Variants in MFSD6 observed in about 807,000 individuals in gnomAD.
MFSD6 encodes the protein major facilitator superfamily domain containing 6.
MFSD6 carries 26 observed loss-of-function variants against 56.3 expected under a neutral mutation model. The observed-to-expected ratio is 0.46, with a 90% CI of 0.34 to 0.64. The LOEUF is 0.64. Ranked by LOEUF, MFSD6 falls within the 30% of genes least tolerant of loss-of-function variation. The pLI, the probability that MFSD6 is intolerant of heterozygous loss-of-function variation, is 0.01. For synonymous variants in MFSD6, 331 were observed against 366.9 expected, an observed-to-expected ratio of 0.90 and a Z score of 1.12; for missense variants, 750 against 986.2, an observed-to-expected ratio of 0.76 and a Z score of 3.21.
chr2:190,449,487 T>A (rs1686697483), intron 3 of MFSD6, among the ~76,000 whole-genome samples: 1 of 151,940 alleles, frequency 6.6e-6, no homozygotes, highest in Non-Finnish European at 1.5e-5. Flanking sequence ...AAAAAAAAAT[T>A]AATATCAAAC....
chr2:190,490,334 C>T lies in MFSD6; in HGVS notation c.1891+468C>T, dbSNP rs187162314. ...ATCCCAACACTTTGGGAGGCCGAGG[C>T]GGGTGGATCACGAGGTTAGGAGATC... On this transcript the variant is annotated intron_variant, in intron 6 of 7. Transcript: ENST00000392328. The surrounding 1 kb of genome is among the most constrained non-coding windows in gnomAD (Gnocchi z 4.5). 4.3e-4 allele frequency among the ~76,000 whole-genome samples: 65 copies of T among 151,590 alleles called. No homozygotes were observed. The East Asian group carries it at 0.011, about 26-fold the overall frequency.
Position 190,488,169 on chromosome 2 carries a change from G to C in MFSD6, c.1631-488G>C, listed in dbSNP as rs1454746489. ...ACCCGCCTCGGCCTCCCAAAGTGCT[G>C]GGATTACAGGCGTGAGCCACTGCGC... On this transcript the variant is annotated intron_variant, in intron 4 of 7. Coordinates refer to ENST00000392328, the MANE Select transcript of MFSD6 (RefSeq NM_017694.4). This position sits in a 1 kb window ranked among gnomAD's most constrained non-coding sequence, Gnocchi z 6.4. 6.6e-6 allele frequency among the ~76,000 whole-genome samples: 1 copy of C among 152,198 alleles called. No homozygotes were observed.
chr2:190,452,342 A>G (rs1686807412), intron 3 of MFSD6, among the ~76,000 whole-genome samples: 1 of 152,208 alleles, frequency 6.6e-6, no homozygotes, highest in African/African-American at 2.4e-5. Context: ...TATTTTAAAA[A>G]TAGTAATTAT....
chr2:190,485,739 T>C lies in MFSD6; in HGVS notation c.1631-2918T>C, dbSNP rs990437686. Among the ~76,000 whole-genome samples the C allele has an allele frequency of 1.3e-5, 2 of 152,144 alleles. No individual in the cohort carries two copies. Among genetic ancestry groups the C allele is most frequent in the Non-Finnish European group, 2.9e-5 (2 of 68,018 alleles). The stretch of plus-strand genomic sequence containing the variant: ...GTTTTGCCAGATAAAGCAAACACGT[T>C]ATTTGACTTCTTAGGAAATTAACTG... On this transcript the variant is annotated intron_variant, in intron 4 of 7. Transcript: ENST00000392328. This position sits in a 1 kb window ranked among gnomAD's most constrained non-coding sequence, Gnocchi z 5.1.
At chr2:190,476,253 C>T (rs1688300385) in intron 4 of MFSD6, among the ~76,000 whole-genome samples, 1 of 152,100 alleles carries the variant, frequency 6.6e-6, no homozygotes, top group African/African-American at 2.4e-5. Flanking sequence ...AAGAAACTAC[C>T]ATCAGAGTGA....
chr2:190,417,965 GGTGTGTGTGTGTGTGTGTGTGT>G lies in MFSD6; in HGVS notation c.-54+2567_-54+2588del, dbSNP rs59001642. Among the ~76,000 whole-genome samples the G allele has an allele frequency of 2.1e-5, 3 of 144,712 alleles. No homozygotes were observed. Among genetic ancestry groups the G allele is most frequent in the African/African-American group, 7.8e-5 (3 of 38,614 alleles). The allele number at this position is 144,712 out of a possible 152,430, so 94.9% of individuals were successfully genotyped here. ...CTGACTTTTCATTTAACCCTTTAGT[GGTGTGTGTGTGTGTGTGTGTGT>G]GTGTGTGTGTGTGTATGTGAGAGAG... On this transcript the variant is annotated intron_variant, in intron 2 of 7. Transcript: ENST00000392328. This position sits in a 1 kb window ranked among gnomAD's most constrained non-coding sequence, Gnocchi z 5.7.
chr2:190,497,132 T>C lies in MFSD6; in HGVS notation c.1892-307T>C, dbSNP rs182321926. On this transcript the variant is annotated intron_variant, in intron 6 of 7. Transcript: ENST00000392328. The surrounding 1 kb of genome is among the most constrained non-coding windows in gnomAD (Gnocchi z 5.2). ...GTCTTTTTAATCATAATCCTGTAAA[T>C]GGGCCTAAGGCAACACTCATTATAA... is the stretch of plus-strand genomic sequence containing the variant. Among the ~76,000 whole-genome samples the C allele has an allele frequency of 5.8e-3, 879 of 152,280 alleles. 13 individuals carry two copies. The highest frequency in any genetic ancestry group is 0.02 in the African/African-American group (851 of 41,556).
chr2:190,429,706 A>G (rs1685902364), intron 2 of MFSD6, among the ~76,000 whole-genome samples: 1 of 152,110 alleles, frequency 6.6e-6, no homozygotes, highest in Admixed American at 6.5e-5. Context: ...TTTCCTATCT[A>G]TAAATCTTTA....
rs1559107797 is a variant in MFSD6 at position 190,431,622 on chromosome 2, G to A, written c.-53-4355G>A. Among the ~76,000 whole-genome samples the A allele has an allele frequency of 6.6e-6, 1 of 152,192 alleles. No homozygotes were observed. The highest frequency in any genetic ancestry group is 1.5e-5 in the Non-Finnish European group (1 of 68,024). On this transcript the variant is annotated intron_variant, in intron 2 of 7. Coordinates refer to ENST00000392328, the MANE Select transcript of MFSD6 (RefSeq NM_017694.4). This position sits in a 1 kb window ranked among gnomAD's most constrained non-coding sequence, Gnocchi z 4.4. ...TGGCAGGCTGAGGCAGGGGAATCAGGCAGGGAGGTTGCAGTGAGCCGAGAT... is the reference window on the plus strand; with the variant it reads ...TGGCAGGCTGAGGCAGGGGAATCAGACAGGGAGGTTGCAGTGAGCCGAGAT...
At chr2:190,411,327 T>G (rs1181317112) in intron 1 of MFSD6, 12 of 417,718 alleles carry the variant, frequency 2.9e-5, no homozygotes, top group African/African-American at 1.3e-4. Flanking sequence ...GCTCAGCTAA[T>G]TTTTATTTTT....
intron 1 of MFSD6, chr2:190,411,702 G>C: frequency 1.3e-5 from 13 of 985,412 alleles, no homozygotes; most frequent in Non-Finnish European, 1.6e-5. Flanking sequence ...AGACTCAGGA[G>C]ATCAAAGTGA....
chr2:190,462,253 T>G lies in MFSD6; in HGVS notation c.1533-7505T>G, dbSNP rs1023568600. ...CCATTGTTTTAAGAGATTTACCTCA[T>G]GGTTCTCAACAGGAGCCATTTAAAA... On this transcript the variant is annotated intron_variant, in intron 3 of 7. Coordinates refer to ENST00000392328, the MANE Select transcript of MFSD6 (RefSeq NM_017694.4). This position sits in a 1 kb window ranked among gnomAD's most constrained non-coding sequence, Gnocchi z 5.7. Among the ~76,000 whole-genome samples, 7 of 152,194 alleles carry G rather than the reference T, an allele frequency of 4.6e-5. No homozygotes were observed. The highest frequency in any genetic ancestry group is 1.3e-4 in the Admixed American group (2 of 15,280).
At chr2:190,448,602 C>T (rs986083030) in intron 3 of MFSD6, among the ~76,000 whole-genome samples, 24 of 152,016 alleles carry the variant, frequency 1.6e-4, no homozygotes, top group Admixed American at 1.4e-3. Context: ...CAAATGTTAA[C>T]GATAAATTTT....
At chr2:190,430,945 A>T (rs1330796176) in intron 2 of MFSD6, among the ~76,000 whole-genome samples, 2 of 148,452 alleles carry the variant, frequency 1.3e-5, no homozygotes, top group East Asian at 4.2e-4. Context: ...CTCACTTCTC[A>T]GACGGGGCGG....
At chr2:190,473,092 A>C (rs1688047515) in intron 4 of MFSD6, among the ~76,000 whole-genome samples, 1 of 152,238 alleles carries the variant, frequency 6.6e-6, no homozygotes, top group Non-Finnish European at 1.5e-5. Flanking sequence ...GGAAGCACTA[A>C]ACATGGAAAG....
At chr2:190,464,408 C>T (rs1182024292) in intron 3 of MFSD6, among the ~76,000 whole-genome samples, 4 of 152,160 alleles carry the variant, frequency 2.6e-5, no homozygotes, top group Non-Finnish European at 5.9e-5. Context: ...TGTAGAATAA[C>T]TCCACTTAGG....
At position 190,437,376 on chromosome 2, in the gene MFSD6, A is replaced by G. The variant is rs1179600445; in HGVS notation, c.1347A>G (p.Ser449=). The G allele has an allele frequency of 2.5e-6, 4 of 1,614,240 alleles. No homozygotes were observed. Among genetic ancestry groups the G allele is most frequent in the African/African-American group, 2.7e-5 (2 of 75,062 alleles). The part of the protein sequence containing the change: ...IKLLCSVQYG[S]VLFVAWFMGF... ...TGCTCTGCAGCGTGCAGTATGGCTC[A>G]GTGCTGTTTGTGGCTTGGTTCATGG... Residue 449 remains serine (S), a synonymous_variant, in exon 3 of 8, where the codon TCA becomes TCG. Coordinates refer to ENST00000392328, the MANE Select transcript of MFSD6 (RefSeq NM_017694.4). The surrounding 1 kb of genome is among the most constrained non-coding windows in gnomAD (Gnocchi z 5.9).
rs34054506 is a variant in MFSD6, at chr2:190,455,934, CTTTT to C, written c.1533-13803_1533-13800del. Among the ~76,000 whole-genome samples, 4 of 65,388 alleles carry C rather than the reference CTTTT, an allele frequency of 6.1e-5. No homozygotes were observed. In the Admixed American group the frequency reaches 8.0e-4, roughly 13 times the overall value. 42.9% of individuals were successfully genotyped at this position (65,388 alleles called of 152,430 possible). A position where few individuals can be genotyped will look rare whatever the true frequency, so the allele number is the denominator to read the frequency against. On this transcript the variant is annotated intron_variant, in intron 3 of 7. Coordinates refer to ENST00000392328, the MANE Select transcript of MFSD6 (RefSeq NM_017694.4). ...GTCTACTGTAATTGTATTTACTCTG[CTTTT>C]TTTTTTTTTTTTTTTTTTTTGAGAC...
intron 2 of MFSD6, among the ~76,000 whole-genome samples, chr2:190,427,970 G>A (rs1685835981): frequency 6.6e-6 from 1 of 152,292 alleles, no homozygotes; most frequent in African/African-American, 2.4e-5. Flanking sequence ...GACCTCAGGT[G>A]ATCCACTTGC....
Sources: allele counts gnomAD v4.1 joint callset (sites outside exome capture counted in the v4.1 genomes callset), GRCh38; gene constraint gnomAD v4.1.1; non-coding constraint Gnocchi (gnomAD v3.1); transcripts MANE v1.5; gene names NCBI Gene and HGNC (gene_info 2026-07-23, HGNC 2026-07-21).